Variants in C1orf87 observed in about 807,000 individuals in gnomAD.
C1orf87 encodes chromosome 1 open reading frame 87.
Under a neutral mutation model 60.5 loss-of-function variants are expected in C1orf87, and 58 were observed. That is an observed-to-expected ratio of 0.96 (90% CI 0.78 to 1.19). C1orf87 has a LOEUF of 1.19. Ranked by LOEUF, C1orf87 falls within the 50% of genes most tolerant of loss-of-function variation. The pLI is 0.00. For synonymous variants in C1orf87, 236 were observed against 227.4 expected, an observed-to-expected ratio of 1.04 and a Z score of -0.34; for missense variants, 673 against 638.6, an observed-to-expected ratio of 1.05 and a Z score of -0.58.
At chr1:60,064,358 A>G (rs1645520778) in intron 2 of C1orf87, among the ~76,000 whole-genome samples, 2 of 142,594 alleles carry the variant, frequency 1.4e-5, no homozygotes, top group Admixed American at 7.5e-5. Context: ...TATGTAATAT[A>G]TAATATATAT....
chr1:60,047,680 T>G (rs2100307809), intron 3 of C1orf87, among the ~76,000 whole-genome samples: 1 of 151,844 alleles, frequency 6.6e-6, no homozygotes, highest in Non-Finnish European at 1.5e-5. Flanking sequence ...TTATGTAATT[T>G]TATTAATACT....
chr1:60,072,847 T>C (rs1488015004), intron 1 of C1orf87, among the ~76,000 whole-genome samples, 177 bp from the exon 2 acceptor site: 1 of 152,242 alleles, frequency 6.6e-6, no homozygotes, highest in Non-Finnish European at 1.5e-5. Flanking sequence ...TTATCATTTT[T>C]GTTTTACTGT....
intron 2 of C1orf87, among the ~76,000 whole-genome samples, chr1:60,056,433 A>C (rs1445218929): frequency 6.6e-6 from 1 of 152,178 alleles, no homozygotes; most frequent in African/African-American, 2.4e-5. Flanking sequence ...AAAAAAAAGA[A>C]AACTCTAAAT....
chr1:60,013,010 T>A (rs919138194), intron 8 of C1orf87, among the ~76,000 whole-genome samples: 3 of 152,178 alleles, frequency 2.0e-5, no homozygotes, highest in Non-Finnish European at 2.9e-5. Flanking sequence ...TAATTAATTT[T>A]CTCTTTATTT....
At chr1:60,064,028 A>G (rs763509225) in intron 2 of C1orf87, among the ~76,000 whole-genome samples, 5 of 151,964 alleles carry the variant, frequency 3.3e-5, no homozygotes, top group Non-Finnish European at 5.9e-5. Flanking sequence ...CAGTGCAGAT[A>G]GAATATAGAG....
chr1:59,993,895 A>T (rs1302867068), intron 11 of C1orf87, among the ~76,000 whole-genome samples: 1 of 151,476 alleles, frequency 6.6e-6, no homozygotes. Flanking sequence ...AGTAGCTGGG[A>T]CTACAGGTGC....
intron 2 of C1orf87, among the ~76,000 whole-genome samples, chr1:60,071,954 A>G (rs1645587012): frequency 6.6e-6 from 1 of 152,190 alleles, no homozygotes; most frequent in Admixed American, 6.5e-5. Flanking sequence ...ACTCTGTAAG[A>G]AAGAGCTAGT....
chr1:60,044,680 G>A (rs1349437220), intron 3 of C1orf87, among the ~76,000 whole-genome samples: 5 of 152,114 alleles, frequency 3.3e-5, no homozygotes, highest in Non-Finnish European at 4.4e-5. Context: ...GTCACCTGGG[G>A]CTGTCATTTT....
intron 10 of C1orf87, 46 bp from the exon 11 acceptor site, chr1:59,997,862 C>A (rs1374409840): frequency 1.9e-6 from 3 of 1,566,694 alleles, no homozygotes; most frequent in African/African-American, 2.7e-5. Flanking sequence ...CCACCCAGAG[C>A]TTCTCCAATC....
At chr1:60,057,514 C>A (rs1165694299) in intron 2 of C1orf87, among the ~76,000 whole-genome samples, 7 of 152,050 alleles carry the variant, frequency 4.6e-5, no homozygotes, top group African/African-American at 1.4e-4. Context: ...GGTGAATAGC[C>A]AGTTGAACTG....
At chr1:60,029,659 T>TTTTTG (rs1645223059) in intron 7 of C1orf87, among the ~76,000 whole-genome samples, 1 of 149,266 alleles carries the variant, frequency 6.7e-6, no homozygotes, top group Non-Finnish European at 1.5e-5. Context: ...TTTTTTTTTT[T>TTTTTG]AGATGGAGTC....
chr1:60,022,109 A>AT (rs60437294), intron 8 of C1orf87, among the ~76,000 whole-genome samples: 70,575 of 138,076 alleles, frequency 0.51, 18,213 homozygotes, highest in South Asian at 0.57. Context: ...GAGGACTTTG[A>AT]TTTTTTTTTT....
chr1:60,001,420 G>T (rs1291515713), intron 9 of C1orf87, among the ~76,000 whole-genome samples: 1 of 151,996 alleles, frequency 6.6e-6, no homozygotes, highest in African/African-American at 2.4e-5. Context: ...TAAAACTAAA[G>T]AAAAATATGA....
At chr1:59,998,049 A>T (rs1055787182) in intron 10 of C1orf87, among the ~76,000 whole-genome samples, 3 of 152,186 alleles carry the variant, frequency 2.0e-5, no homozygotes, top group African/African-American at 7.2e-5. Context: ...CATGATTTTT[A>T]TTCAGTTTTC....
intron 2 of C1orf87, among the ~76,000 whole-genome samples, chr1:60,062,602 A>G (rs563970775): frequency 6.6e-6 from 1 of 152,140 alleles, no homozygotes; most frequent in Admixed American, 6.5e-5. Context: ...ATACCCCCAC[A>G]TATCTGTTGT....
intron 6 of C1orf87, among the ~76,000 whole-genome samples, chr1:60,036,546 T>G (rs1645278504): frequency 6.6e-6 from 1 of 152,202 alleles, no homozygotes; most frequent in African/African-American, 2.4e-5. Context: ...TTTGCATTTA[T>G]TAACTCAGTT....
At chr1:60,058,509 T>C (rs911310876) in intron 2 of C1orf87, among the ~76,000 whole-genome samples, 3 of 152,208 alleles carry the variant, frequency 2.0e-5, no homozygotes, top group African/African-American at 7.2e-5. Flanking sequence ...GAAATAACTA[T>C]GGTTTGCAAT....
At position 60,050,057 on chromosome 1, in the gene C1orf87, C is replaced by T. The variant is rs941187182; in HGVS notation, c.342+5147G>A. On this transcript the variant is annotated intron_variant, in intron 3 of 11. Transcript: ENST00000371201. ...GGTATCTTACCCATTATTCATAGTG[C>T]TGCTCTCCTTTTCAGGGTTTTCTTG... is the stretch of plus-strand genomic sequence containing the variant. Among the ~76,000 whole-genome samples the T allele has an allele frequency of 2.0e-5, 3 of 152,044 alleles. 1 individual carries two copies. In the South Asian group the frequency reaches 6.2e-4, roughly 32 times the overall value.
chr1:60,017,594 G>A (rs890814256), intron 8 of C1orf87, among the ~76,000 whole-genome samples: 3 of 152,120 alleles, frequency 2.0e-5, no homozygotes, highest in Non-Finnish European at 4.4e-5. Flanking sequence ...GTATTAGTTT[G>A]CCTCCTGTTC....
Sources: allele counts gnomAD v4.1 joint callset (sites outside exome capture counted in the v4.1 genomes callset), GRCh38; gene constraint gnomAD v4.1.1; transcripts MANE v1.5; gene names NCBI Gene and HGNC (gene_info 2026-07-23, HGNC 2026-07-21).